ALKBH3: variants seen among roughly 807,000 people sequenced by gnomAD.
ALKBH3 encodes the protein alkB homolog 3, alpha-ketoglutarate dependent dioxygenase.
Under a neutral mutation model 43.9 loss-of-function variants are expected in ALKBH3, and 51 were observed. That is an observed-to-expected ratio of 1.16 (90% CI 0.93 to 1.47). ALKBH3 has a LOEUF of 1.47. ALKBH3 is among the 40% of genes most tolerant of loss of function. The probability of loss-of-function intolerance (pLI) is 0.00; values close to 1 mark genes in which losing one functional copy is unlikely to be tolerated. For synonymous variants in ALKBH3, 102 were observed against 115.2 expected (o/e 0.89, Z 0.73); for missense variants, 361 against 351.9 (o/e 1.03, Z -0.21).
intron 5 of ALKBH3, among the ~76,000 whole-genome samples, chr11:43,887,911 C>T (rs1199272599): frequency 6.6e-6 from 1 of 151,934 alleles, no homozygotes; most frequent in Non-Finnish European, 1.5e-5. Context: ...GCCTCAGCCT[C>T]CCGAGTAGCT....
At chr11:43,906,675 C>A (rs1439285628) in intron 8 of ALKBH3, among the ~76,000 whole-genome samples, 1 of 152,046 alleles carries the variant, frequency 6.6e-6, no homozygotes, top group African/African-American at 2.4e-5. Context: ...AGTGAGACCC[C>A]ATCTCTATTT....
chr11:43,890,627 A>G (rs1951777274), intron 6 of ALKBH3, among the ~76,000 whole-genome samples: 1 of 152,158 alleles, frequency 6.6e-6, no homozygotes, highest in Non-Finnish European at 1.5e-5. Context: ...GCACTTTGGG[A>G]GGCCGAGGCA....
chr11:43,883,572 T>C (rs1951728487), intron 3 of ALKBH3, among the ~76,000 whole-genome samples: 1 of 152,234 alleles, frequency 6.6e-6, no homozygotes, highest in Admixed American at 6.5e-5. Context: ...TAGCCCTTTT[T>C]TCCCATGAGG....
At chr11:43,881,981 A>G (rs1282865040) in intron 1 of ALKBH3, among the ~76,000 whole-genome samples, 3 of 152,234 alleles carry the variant, frequency 2.0e-5, no homozygotes, top group East Asian at 3.9e-4. Flanking sequence ...GGAGTTTAAT[A>G]TAAGTTGAAT....
intron 8 of ALKBH3, among the ~76,000 whole-genome samples, chr11:43,915,739 TAA>T (rs928067749): frequency 6.6e-6 from 1 of 152,188 alleles, no homozygotes; most frequent in Non-Finnish European, 1.5e-5. Context: ...AAATGCTCAA[TAA>T]AATATTAAAA....
At chr11:43,915,201 C>CT (rs1324418694) in intron 8 of ALKBH3, among the ~76,000 whole-genome samples, 1 of 147,604 alleles carries the variant, frequency 6.8e-6, no homozygotes, top group Non-Finnish European at 1.5e-5. Context: ...GAGTGAGACT[C>CT]TGTCTCAAAA....
At chr11:43,881,701 A>T (rs1272782967) in intron 1 of ALKBH3, among the ~76,000 whole-genome samples, 2 of 152,220 alleles carry the variant, frequency 1.3e-5, no homozygotes, top group Non-Finnish European at 2.9e-5. Context: ...GAATCAGAAG[A>T]GGTGGGAGAT....
chr11:43,901,423 C>A, intron 7 of ALKBH3, 93 bp from the exon 8 acceptor site: 2 of 1,459,338 alleles, frequency 1.4e-6, no homozygotes, highest in South Asian at 1.2e-5. Flanking sequence ...TATAACTTGG[C>A]TGATTTTGCC....
chr11:43,901,472 T>C, intron 7 of ALKBH3, 44 bp from the exon 8 acceptor site: 1 of 1,604,712 alleles, frequency 6.2e-7, no homozygotes, highest in Non-Finnish European at 8.5e-7. Flanking sequence ...TCATTTTGTG[T>C]GTAATGCGAC....
intron 9 of ALKBH3, 99 bp downstream of exon 9, chr11:43,919,235 T>G: frequency 9.6e-7 from 1 of 1,040,084 alleles, no homozygotes; most frequent in South Asian, 1.3e-5. Context: ...GCAAGCTGCT[T>G]TTACAACGAG....
At chr11:43,904,557 T>A (rs1951883565) in intron 8 of ALKBH3, among the ~76,000 whole-genome samples, 2 of 152,244 alleles carry the variant, frequency 1.3e-5, no homozygotes, top group Non-Finnish European at 2.9e-5. Flanking sequence ...TTTAAACTTT[T>A]GAAGATTCCT....
chr11:43,896,601 ATC>A (rs936341844), intron 7 of ALKBH3, among the ~76,000 whole-genome samples: 11 of 152,156 alleles, frequency 7.2e-5, no homozygotes, highest in Non-Finnish European at 1.5e-5. Flanking sequence ...TCAAATGTTA[ATC>A]TCTTTTTGCA....
At chr11:43,901,747 T>C (rs369875542) in intron 8 of ALKBH3, 22 bp downstream of exon 8, 8 of 1,610,928 alleles carry the variant, frequency 5.0e-6, no homozygotes, top group Admixed American at 1.7e-5. Flanking sequence ...CTTTTTCTTA[T>C]GCTCTTCCTG....
At chr11:43,892,157 G>A (rs3740985) in intron 7 of ALKBH3, 28 bp downstream of exon 7, 66,046 of 1,546,506 alleles carry the variant, frequency 0.043, 3,086 homozygotes, top group Admixed American at 0.24. Context: ...CATTGGTATG[G>A]TTTTATAGAC....
intron 8 of ALKBH3, among the ~76,000 whole-genome samples, chr11:43,903,717 AC>A (rs1422293476): frequency 6.6e-6 from 1 of 152,126 alleles, no homozygotes. Flanking sequence ...CTGTTTCTTT[AC>A]ACACATATAT....
chr11:43,897,383 C>T, intron 7 of ALKBH3: 1 of 720,040 alleles, frequency 1.4e-6, no homozygotes, highest in Non-Finnish European at 2.6e-6. Flanking sequence ...TCACCATATT[C>T]AGCTTAAAAT....
chr11:43,886,520 T>C, intron 4 of ALKBH3, 86 bp from the exon 5 acceptor site: 1 of 1,353,058 alleles, frequency 7.4e-7, no homozygotes, highest in Non-Finnish European at 1.0e-6. Flanking sequence ...GCCAGGACTT[T>C]GGCAGTTCAG....
intron 4 of ALKBH3, 59 bp downstream of exon 4, chr11:43,884,076 T>A: frequency 1.3e-6 from 2 of 1,595,758 alleles, no homozygotes; most frequent in Admixed American, 3.4e-5. Flanking sequence ...GAGCCTGGAA[T>A]CTTTCCTCAC....
intron 1 of ALKBH3, among the ~76,000 whole-genome samples, chr11:43,881,798 G>A (rs1438623279): frequency 6.6e-6 from 1 of 152,194 alleles, no homozygotes; most frequent in Admixed American, 6.5e-5. Flanking sequence ...GCTTTCTTAG[G>A]TAGAAGCATA....
Sources: gnomAD v4.1 joint callset for allele counts (sites outside exome capture counted in the v4.1 genomes callset) on GRCh38, gnomAD v4.1.1 for gene constraint, MANE v1.5 for transcripts, NCBI Gene and HGNC (gene_info 2026-07-23, HGNC 2026-07-21) for gene names.